The following CSMD1 variants were observed in gnomAD, a reference collection of about 807,000 sequenced individuals.
CSMD1 encodes the protein CUB and sushi domain-containing protein 1.
A neutral mutation model predicts 417.5 loss-of-function variants in CSMD1; 213 were observed. The ratio of observed to expected loss-of-function variants is 0.51; its 90% CI spans 0.46 to 0.57. CSMD1 has a LOEUF of 0.57. CSMD1 is among the 20% of genes least tolerant of loss of function. The pLI is 0.00. For missense variants in CSMD1, 6,923 were observed against 4,529.7 expected, an observed-to-expected ratio of 1.53 and a Z score of -15.17; for synonymous variants, 2,862 against 1,736.8, an observed-to-expected ratio of 1.65 and a Z score of -16.11.
intron 3 of CSMD1, among the ~76,000 whole-genome samples, chr8:4,211,720 C>T (rs1800324036): frequency 6.6e-6 from 1 of 152,172 alleles, no homozygotes; most frequent in African/African-American, 2.4e-5. Context: ...CCTGACTTTG[C>T]AAGTGGGGAG....
At chr8:4,521,655 C>G (rs577466795) in intron 2 of CSMD1, among the ~76,000 whole-genome samples, 1 of 152,280 alleles carries the variant, frequency 6.6e-6, no homozygotes, top group African/African-American at 2.4e-5. Flanking sequence ...AGGTGGCCCT[C>G]AGGTCCTATT....
chr8:3,937,483 G>C (rs553282795), intron 5 of CSMD1, among the ~76,000 whole-genome samples: 1 of 152,040 alleles, frequency 6.6e-6, no homozygotes, highest in South Asian at 2.1e-4. Flanking sequence ...CCTTCCACCA[G>C]CAAAAAGATG....
intron 21 of CSMD1, among the ~76,000 whole-genome samples, chr8:3,356,065 C>T (rs774635763): frequency 2.0e-5 from 3 of 152,174 alleles, no homozygotes; most frequent in Non-Finnish European, 2.9e-5. Context: ...TAGTTCTCAG[C>T]TCAGATGCTC....
At chr8:3,277,423 G>T (rs534822139) in intron 26 of CSMD1, among the ~76,000 whole-genome samples, 14 of 152,156 alleles carry the variant, frequency 9.2e-5, no homozygotes, top group Non-Finnish European at 1.5e-5. Flanking sequence ...GACCCCCAGC[G>T]GCGTAGACCA....
At chr8:3,898,297 G>C (rs1415798126) in intron 5 of CSMD1, among the ~76,000 whole-genome samples, 3 of 152,100 alleles carry the variant, frequency 2.0e-5, no homozygotes, top group African/African-American at 4.8e-5. Context: ...CCCAACATTT[G>C]AACAATTCAA....
intron 12 of CSMD1, among the ~76,000 whole-genome samples, chr8:3,417,826 C>T (rs1191663642): frequency 6.7e-6 from 1 of 149,602 alleles, no homozygotes; most frequent in African/African-American, 2.5e-5. Flanking sequence ...AGTCTACAGA[C>T]CCTGTTTTTT....
At chr8:2,977,438 T>C (rs1805021988) in intron 55 of CSMD1, among the ~76,000 whole-genome samples, 2 of 152,360 alleles carry the variant, frequency 1.3e-5, no homozygotes, top group Admixed American at 6.5e-5. Flanking sequence ...AATCTCATTC[T>C]TTTTTATGGC....
chr8:4,107,278 T>C (rs546157486), intron 3 of CSMD1, among the ~76,000 whole-genome samples: 1 of 152,322 alleles, frequency 6.6e-6, no homozygotes, highest in South Asian at 2.1e-4. Flanking sequence ...GCTTGCCATT[T>C]CAACACGCTG....
chr8:3,615,014 G>A (rs936853833), intron 8 of CSMD1, among the ~76,000 whole-genome samples: 3 of 152,110 alleles, frequency 2.0e-5, no homozygotes, highest in African/African-American at 7.2e-5. Context: ...TGGAAGAATG[G>A]GCAATTTTAT....
intron 1 of CSMD1, among the ~76,000 whole-genome samples, chr8:4,721,053 A>G (rs1048535977): frequency 2.0e-5 from 3 of 152,200 alleles, no homozygotes; most frequent in Non-Finnish European, 2.9e-5. Flanking sequence ...AAACCACTCT[A>G]ATAATAAACC....
chr8:4,735,133 C>T (rs1810147225), intron 1 of CSMD1, among the ~76,000 whole-genome samples: 1 of 152,154 alleles, frequency 6.6e-6, no homozygotes, highest in South Asian at 2.1e-4. Flanking sequence ...AGCTGGTATT[C>T]AGGATCTTTT....
At chr8:3,502,145 A>G (rs1358708419) in intron 10 of CSMD1, among the ~76,000 whole-genome samples, 1 of 152,090 alleles carries the variant, frequency 6.6e-6, no homozygotes, top group Non-Finnish European at 1.5e-5. Context: ...CTGGCAGATC[A>G]CGAGGTCAGG....
intron 26 of CSMD1, among the ~76,000 whole-genome samples, chr8:3,271,896 T>C (rs1585876825): frequency 1.3e-5 from 2 of 152,286 alleles, no homozygotes; most frequent in East Asian, 3.9e-4. Flanking sequence ...TTCACTCTGA[T>C]GGTAGTTTCT....
chr8:4,365,406 AT>A (rs1363146184), intron 3 of CSMD1, among the ~76,000 whole-genome samples: 3 of 152,158 alleles, frequency 2.0e-5, no homozygotes, highest in African/African-American at 7.2e-5. Flanking sequence ...TTAAATGTTA[AT>A]TTTGCCTAAC....
intron 3 of CSMD1, among the ~76,000 whole-genome samples, chr8:4,127,514 C>T (rs1802838197): frequency 6.6e-6 from 1 of 150,628 alleles, no homozygotes; most frequent in Non-Finnish European, 1.5e-5. Context: ...CTGCAGACTT[C>T]TCCCTCCACC....
intron 1 of CSMD1, among the ~76,000 whole-genome samples, chr8:4,931,337 C>T (rs183297712): frequency 2.0e-5 from 3 of 152,272 alleles, no homozygotes; most frequent in African/African-American, 7.2e-5. Context: ...GAGTAAACAT[C>T]CCATCCCTTT....
intron 3 of CSMD1, among the ~76,000 whole-genome samples, chr8:4,342,573 C>A (rs955659475): frequency 1.3e-5 from 2 of 151,954 alleles, no homozygotes; most frequent in African/African-American, 2.4e-5. Context: ...CTCAGATGGA[C>A]ACTTCCCCAT....
intron 12 of CSMD1, among the ~76,000 whole-genome samples, chr8:3,423,001 C>A (rs1813593183): frequency 6.6e-6 from 1 of 152,174 alleles, no homozygotes; most frequent in Non-Finnish European, 1.5e-5. Flanking sequence ...TTGGCAACAC[C>A]TGAATTTTAC....
intron 1 of CSMD1, among the ~76,000 whole-genome samples, chr8:4,922,601 G>C (rs904967568): frequency 1.3e-5 from 2 of 152,164 alleles, no homozygotes; most frequent in Admixed American, 1.3e-4. Context: ...TAGCGCTCAT[G>C]AGAGAAGGTA....
Sources: allele counts gnomAD v4.1 joint callset (sites outside exome capture counted in the v4.1 genomes callset), GRCh38; gene constraint gnomAD v4.1.1; transcripts MANE v1.5; gene names NCBI Gene and HGNC (gene_info 2026-07-23, HGNC 2026-07-21).